EGFL7: variants seen among roughly 807,000 people sequenced by gnomAD.
EGFL7 encodes the protein epidermal growth factor-like protein 7.
Under a neutral mutation model 37.1 loss-of-function variants are expected in EGFL7, and 48 were observed. That is an observed-to-expected ratio of 1.29 (90% CI 1.03 to 1.65). EGFL7 has a LOEUF of 1.65. Ranked by LOEUF, EGFL7 falls within the 40% of genes most tolerant of loss-of-function variation. EGFL7 has a pLI of 0.00. For synonymous variants in EGFL7, 180 were observed against 156.8 expected (o/e 1.15, Z -1.10); for missense variants, 384 against 378.9 (o/e 1.01, Z -0.11).
chr9:136,668,750 G>A, intron 5 of EGFL7, 77 bp downstream of exon 5: 1 of 1,266,670 alleles, frequency 7.9e-7, no homozygotes, highest in Non-Finnish European at 1.1e-6. Flanking sequence ...CAGGGGCGAG[G>A]CGGGGGTGAA....
chr9:136,660,751 G>C (rs1845095760), upstream of EGFL7, among the ~76,000 whole-genome samples: 1 of 152,206 alleles, frequency 6.6e-6, no homozygotes, highest in African/African-American at 2.4e-5. Flanking sequence ...GGCTGCTCCA[G>C]GTTGGGACAT....
chr9:136,663,256 T>G (rs1845257292), intron 1 of EGFL7, 148 bp downstream of exon 1: 1 of 152,288 alleles, frequency 6.6e-6, no homozygotes, highest in Admixed American at 6.5e-5. Context: ...CTCCTCCCCT[T>G]CTGCACAGAG....
chr9:136,672,405 G>T lies in EGFL7; in HGVS notation c.*119G>T. On this transcript the variant is annotated 3_prime_UTR_variant, in exon 11 of 11. Coordinates refer to ENST00000308874, the MANE Select transcript of EGFL7 (RefSeq NM_016215.5). ...GGGTGACTGAGCGGAAGGCCAGGCA[G>T]GGCCTTCCTCCTCTTCCTCCTCCCC... is the stretch of plus-strand genomic sequence containing the variant. 17 of 1,262,726 alleles carry T rather than the reference G, an allele frequency of 1.3e-5. No individual in the cohort carries two copies. Among genetic ancestry groups the T allele is most frequent in the Non-Finnish European group, 1.9e-5 (17 of 875,052 alleles). 78.2% of individuals were successfully genotyped at this position (1,262,726 alleles called of 1,614,324 possible). A position where few individuals can be genotyped will look rare whatever the true frequency, so the allele number is the denominator to read the frequency against.
At chr9:136,669,829 C>A in intron 6 of EGFL7, 85 bp from the exon 7 acceptor site, 1 of 1,441,482 alleles carries the variant, frequency 6.9e-7, no homozygotes, top group Non-Finnish European at 9.4e-7. Context: ...CACCACCTTG[C>A]CGCAGAGCAC....
rs1188145294 is a variant in EGFL7, at chr9:136,666,558, A to G, written c.-42-1683A>G. On this transcript the variant is annotated intron_variant, in intron 3 of 10. Transcript: ENST00000308874. This position sits in a 1 kb window ranked among gnomAD's most constrained non-coding sequence, Gnocchi z 6.8. ...CACGGGCTTCCTCTGGCCTCGGGAA[A>G]ACATGACTTTCAAAAATTGAGTCTC... Among the ~76,000 whole-genome samples the G allele has an allele frequency of 1.3e-5, 2 of 151,958 alleles. No individual in the cohort carries two copies. Among genetic ancestry groups the G allele is most frequent in the African/African-American group, 4.8e-5 (2 of 41,394 alleles).
chr9:136,667,696 T>C (rs9411214), intron 3 of EGFL7, among the ~76,000 whole-genome samples: 151,195 of 152,326 alleles, frequency 0.99, 75,045 homozygotes, highest in Middle Eastern at 1. Flanking sequence ...GTGTGCACCC[T>C]CCGCACGGTT....
upstream of EGFL7, among the ~76,000 whole-genome samples, chr9:136,661,730 T>C (rs1845159303): frequency 6.6e-6 from 1 of 152,010 alleles, no homozygotes; most frequent in Admixed American, 6.6e-5. Flanking sequence ...GTGGGTGAGG[T>C]TTCCACCTGC....
chr9:136,671,760 G>C (rs529649426), intron 9 of EGFL7, among the ~76,000 whole-genome samples, 166 bp from the exon 10 acceptor site: 60 of 152,288 alleles, frequency 3.9e-4, no homozygotes, highest in Middle Eastern at 3.4e-3. Flanking sequence ...CCCACTCTGC[G>C]GCAAGCTTTT....
At chr9:136,659,925 C>T (rs888335689), upstream of EGFL7, among the ~76,000 whole-genome samples, 6 of 152,210 alleles carry the variant, frequency 3.9e-5, no homozygotes, top group African/African-American at 7.2e-5. Context: ...TGCTGGGCCC[C>T]TGAGGTGAGG....
chr9:136,667,917 G>T (rs1239219804), intron 3 of EGFL7, among the ~76,000 whole-genome samples: 1 of 152,190 alleles, frequency 6.6e-6, no homozygotes, highest in East Asian at 1.9e-4. Flanking sequence ...CAGGAGAAAC[G>T]GCCACCCGTA....
At position 136,672,310 on chromosome 9, in the gene EGFL7, T is replaced by C; in HGVS notation, c.*24T>C. 6.2e-7 allele frequency: 1 copy of C among 1,613,052 alleles called. No individual in the cohort carries two copies. Among genetic ancestry groups the C allele is most frequent in the Non-Finnish European group, 8.5e-7 (1 of 1,179,896 alleles). ...GACTGCCCAGCGCCCCAGGCTGGAC[T>C]GAGCCCCTCACGCCGCCCTGCAGCC... On this transcript the variant is annotated 3_prime_UTR_variant, in exon 11 of 11. Transcript: ENST00000308874.
Position 136,672,234 on chromosome 9 carries a change from A to G in EGFL7, c.800-30A>G, listed in dbSNP as rs965462064. The G allele has an allele frequency of 2.5e-6, 4 of 1,613,190 alleles. No individual in the cohort carries two copies. The African/African-American group carries it at 5.3e-5, about 22-fold the overall frequency. On this transcript the variant is annotated intron_variant, in intron 10 of 10. Transcript: ENST00000308874. ...GGCGGGGAGGCTGTGGGGAGCAGTG[A>G]TCTCTGACCTTCGCCTCATCCAACC...
At chr9:136,668,959 C>T (rs1845660855) in intron 5 of EGFL7, among the ~76,000 whole-genome samples, 1 of 152,164 alleles carries the variant, frequency 6.6e-6, no homozygotes, top group Admixed American at 6.5e-5. Flanking sequence ...CTGTCTGCAC[C>T]CCTCCACTTC....
rs369726976 is a variant in EGFL7, at chr9:136,663,541, G to A, written c.-219G>A. ...CTAGCAGTGGATGAGCAACCCAACG[G>A]GGGCCCGGGGAGGGGAACTGGCCCC... is the stretch of plus-strand genomic sequence containing the variant. On this transcript the variant is annotated 5_prime_UTR_variant, in exon 2 of 11. Transcript: ENST00000308874. 2.6e-5 allele frequency: 4 copies of A among 152,356 alleles called. No individual in the cohort carries two copies. Among genetic ancestry groups the A allele is most frequent in the East Asian group, 3.8e-4 (2 of 5,198 alleles). The allele number at this position is 152,356 out of a possible 1,614,324, so 9.4% of individuals were successfully genotyped here.
In EGFL7 at chr9:136,670,002, C is replaced by A; in HGVS notation, c.402C>A (p.Cys134Ter). 1 of 1,596,414 alleles carries A rather than the reference C, an allele frequency of 6.3e-7. No individual in the cohort carries two copies. Among genetic ancestry groups the A allele is most frequent in the South Asian group, 1.1e-5 (1 of 89,388 alleles). ...CTGCAGGATGGCGGGGTGACACTTG[C>A]CAGTCAGGTGAGGCTGGCTCTACCC... Reference protein sequence around the residue: ...RCPAGWRGDTCQSDVDECSAR... With the variant: ...RCPAGWRGDT Residue 134 changes from cysteine (C) to a stop codon, truncating the protein, a stop_gained, in exon 7 of 11, where the codon TGC becomes TGA. Transcript: ENST00000308874. LOFTEE classifies it high-confidence loss of function.
intron 9 of EGFL7, among the ~76,000 whole-genome samples, chr9:136,671,373 G>T (rs1371037618): frequency 6.6e-6 from 1 of 152,046 alleles, no homozygotes; most frequent in Non-Finnish European, 1.5e-5. Flanking sequence ...CCAGGCCCGG[G>T]TACAGGCTCC....
chr9:136,664,592 A>C (rs893386198), intron 2 of EGFL7, 100 bp from the exon 3 acceptor site: 2 of 153,648 alleles, frequency 1.3e-5, no homozygotes, highest in African/African-American at 4.8e-5. Context: ...GAGGTCCCAC[A>C]GCAGCACCGA....
chr9:136,672,015 C>G lies in EGFL7; in HGVS notation c.726C>G (p.His242Gln), dbSNP rs1845942115. The change falls in exon 10 of 11, where the codon CAC (histidine) becomes CAG (glutamine). Residue 242 changes from histidine (H) to glutamine (Q), a missense_variant. Physicochemically the swap from His to Gln is conservative, Grantham distance 24. Transcript: ENST00000308874. ...GLPDPGSLLV[H>Q]SFQQLGRIDS... ...CGGACCCCGGCAGCCTCCTGGTGCA[C>G]TCCTTCCAGCAGCTCGGCCGCATCG... 1.3e-6 allele frequency: 2 copies of G among 1,544,550 alleles called. No individual in the cohort carries two copies. Among genetic ancestry groups the G allele is most frequent in the East Asian group, 4.9e-5 (2 of 40,928 alleles).
chr9:136,667,294 C>T (rs1043730336), intron 3 of EGFL7, among the ~76,000 whole-genome samples: 4 of 152,220 alleles, frequency 2.6e-5, no homozygotes, highest in Admixed American at 2.0e-4. Context: ...CTGCGGAGGG[C>T]CCTGCAGTGC....
Sources: gnomAD v4.1 joint callset for allele counts (sites outside exome capture counted in the v4.1 genomes callset) on GRCh38, gnomAD v4.1.1 for gene constraint, Gnocchi (gnomAD v3.1) non-coding constraint, MANE v1.5 for transcripts, NCBI Gene and HGNC (gene_info 2026-07-23, HGNC 2026-07-21) for gene names.